Variants in CELF2 observed in about 807,000 individuals in gnomAD.
CELF2 encodes CUGBP Elav-like family member 2, also known as CUG triplet repeat RNA-binding protein 2.
Under a neutral mutation model 62.6 loss-of-function variants are expected in CELF2, and 8 were observed. The observed-to-expected ratio is 0.13, with a 90% CI of 0.07 to 0.23. The LOEUF is 0.23. Among genes scored for constraint, CELF2 ranks in the 10% least tolerant of loss-of-function variants. The pLI is 1.00. For synonymous variants in CELF2, 258 were observed against 250.0 expected (o/e 1.03, Z -0.30); for missense variants, 333 against 671.0 (o/e 0.50, Z 5.56).
In CELF2 at chr10:10,897,872, C is replaced by T. The variant is rs556362231; in HGVS notation, c.54-22092C>T. ...GCTGATAGAACTGCTCAACTACAGA[C>T]ATGTTCTACCTTTCTAGAAAAAGAA... On this transcript the variant is annotated intron_variant, in intron 1 of 13. Coordinates refer to the CELF2 transcript ENST00000636488. 3.3e-5 allele frequency among the ~76,000 whole-genome samples: 5 copies of T among 152,296 alleles called. No individual in the cohort carries two copies. In the East Asian group the frequency reaches 9.7e-4, roughly 29 times the overall value.
At chr10:10,768,171 A>AAAAAAC in the CELF2 span, among the ~76,000 whole-genome samples, 352 of 151,600 alleles carry the variant, frequency 2.3e-3, 2 homozygotes, top group African/African-American at 8.0e-3. Flanking sequence ...GTCTCAAAAA[A>AAAAAAC]AAAAAAAAAA....
rs2066951777 is a variant in CELF2, at chr10:11,165,855, C to A, written c.271+173C>A. On this transcript the variant is annotated intron_variant, in intron 2 of 12. Transcript: ENST00000633077. This position sits in a 1 kb window ranked among gnomAD's most constrained non-coding sequence, Gnocchi z 7.4. ...CTGCTCCCGACTCCTCCCCGCACCC[C>A]CGCCCGCCTGCCCGCCGGGACAGGT... is the stretch of plus-strand genomic sequence containing the variant. Among the ~76,000 whole-genome samples the A allele has an allele frequency of 6.6e-6, 1 of 152,186 alleles. No individual in the cohort carries two copies. Among genetic ancestry groups the A allele is most frequent in the South Asian group, 2.1e-4 (1 of 4,820 alleles).
Position 11,298,019 on chromosome 10 carries a change from T to G in CELF2, c.976+9467T>G, listed in dbSNP as rs186469760. ...GAACATGAAAAATCTGTAAAAGTAC[T>G]GGGGTCACTAGGGGAAGAAGTTTTT... On this transcript the variant is annotated intron_variant, in intron 9 of 12. Transcript: ENST00000633077. Among the ~76,000 whole-genome samples the G allele has an allele frequency of 1.4e-4, 21 of 152,314 alleles. 2 individuals carry two copies. The highest frequency in any genetic ancestry group is 4.6e-4 in the African/African-American group (19 of 41,576).
At chr10:10,682,924 G>C in the CELF2 span, among the ~76,000 whole-genome samples, 1 of 152,138 alleles carries the variant, frequency 6.6e-6, no homozygotes, top group Non-Finnish European at 1.5e-5. Context: ...GAAGCAGTCA[G>C]CTGTATATGA....
the CELF2 span, among the ~76,000 whole-genome samples, chr10:10,621,285 A>G: frequency 6.6e-6 from 1 of 150,666 alleles, no homozygotes; most frequent in African/African-American, 2.4e-5. Flanking sequence ...AGAATGATTC[A>G]GATCCAAAAA....
chr10:10,480,719 TA>T, the CELF2 span, among the ~76,000 whole-genome samples: 1 of 152,220 alleles, frequency 6.6e-6, no homozygotes, highest in Admixed American at 6.5e-5. Flanking sequence ...CCTTTGAAAG[TA>T]AGACTGAAAA....
At chr10:10,663,713 T>G in the CELF2 span, among the ~76,000 whole-genome samples, 1 of 152,212 alleles carries the variant, frequency 6.6e-6, no homozygotes, top group Admixed American at 6.5e-5. Context: ...TTATAGTTAT[T>G]TATCAGTGAT....
intron 1 of CELF2, among the ~76,000 whole-genome samples, chr10:10,857,608 CTATATA>C (rs533915476): frequency 5.7e-5 from 7 of 122,318 alleles, no homozygotes; most frequent in Admixed American, 9.1e-5. Context: ...AGATGGTGAA[CTATATA>C]TATATAAATA....
chr10:10,614,402 C>T, the CELF2 span, among the ~76,000 whole-genome samples: 4 of 152,112 alleles, frequency 2.6e-5, no homozygotes, highest in East Asian at 7.7e-4. Context: ...TCTCACCCAG[C>T]AGCCACATCC....
the CELF2 span, among the ~76,000 whole-genome samples, chr10:10,597,819 A>G: frequency 3.3e-5 from 5 of 152,214 alleles, no homozygotes; most frequent in Non-Finnish European, 7.3e-5. Flanking sequence ...TTGACTATAG[A>G]TAAAGCAACA....
the CELF2 span, among the ~76,000 whole-genome samples, chr10:10,652,055 T>G: frequency 2.7e-5 from 4 of 147,342 alleles, no homozygotes; most frequent in African/African-American, 1.0e-4. Flanking sequence ...AAACTAAGGC[T>G]CGAGAACTAC....
chr10:10,744,488 T>A, the CELF2 span, among the ~76,000 whole-genome samples: 1 of 152,238 alleles, frequency 6.6e-6, no homozygotes, highest in Non-Finnish European at 1.5e-5. Context: ...AAGGATAAGT[T>A]GGATCCAGTG....
the CELF2 span, among the ~76,000 whole-genome samples, chr10:10,545,227 G>T: frequency 6.6e-6 from 1 of 152,198 alleles, no homozygotes; most frequent in African/African-American, 2.4e-5. Context: ...TATTTTGAAA[G>T]CAAGACATGC....
At chr10:10,506,936 A>T in the CELF2 span, among the ~76,000 whole-genome samples, 1 of 152,090 alleles carries the variant, frequency 6.6e-6, no homozygotes, top group East Asian at 1.9e-4. Flanking sequence ...AAGTGCTGAG[A>T]TTACGGGCAT....
the CELF2 span, among the ~76,000 whole-genome samples, chr10:10,658,235 T>G: frequency 1.3e-5 from 2 of 152,190 alleles, no homozygotes; most frequent in Admixed American, 6.5e-5. Context: ...TTGTGGTCCC[T>G]TCTTGCCCAT....
rs115573837 is a variant in CELF2, at chr10:11,328,502, G to T, written c.1439-424G>T. Among the ~76,000 whole-genome samples, 1 of 152,130 alleles carries T rather than the reference G, an allele frequency of 6.6e-6. No homozygotes were observed. The highest frequency in any genetic ancestry group is 1.5e-5 in the Non-Finnish European group (1 of 68,022). On this transcript the variant is annotated intron_variant, in intron 12 of 12. Transcript: ENST00000633077. The surrounding 1 kb of genome is among the most constrained non-coding windows in gnomAD (Gnocchi z 6.4). ...TGTTGGCCTCACCTGGCTGGGACAC[G>T]TGAGCCCCTAGGGGCCCCCACAGCC...
intron 1 of CELF2, among the ~76,000 whole-genome samples, chr10:10,838,780 A>G (rs117127088): frequency 7.0e-4 from 107 of 152,230 alleles, no homozygotes; most frequent in East Asian, 4.2e-3. Flanking sequence ...TATTTTATGT[A>G]CATCTTGTAT....
intron 1 of CELF2, among the ~76,000 whole-genome samples, chr10:11,095,013 A>G (rs923230259): frequency 2.6e-5 from 4 of 152,152 alleles, no homozygotes; most frequent in Admixed American, 1.3e-4. Flanking sequence ...TAATAACTGG[A>G]TTCGATTTGC....
intron 1 of CELF2, among the ~76,000 whole-genome samples, chr10:11,087,343 A>T (rs2047090268): frequency 1.3e-5 from 2 of 152,194 alleles, no homozygotes; most frequent in African/African-American, 4.8e-5. Flanking sequence ...AGCAGTTGAC[A>T]CTAGACAAGA....
Sources: allele counts gnomAD v4.1 joint callset (sites outside exome capture counted in the v4.1 genomes callset), GRCh38; gene constraint gnomAD v4.1.1; non-coding constraint Gnocchi (gnomAD v3.1); transcripts MANE v1.5; gene names NCBI Gene and HGNC (gene_info 2026-07-23, HGNC 2026-07-21).